The following ZZZ3 variants were observed in gnomAD, a reference collection of about 807,000 sequenced individuals.
ZZZ3 encodes ZZ-type zinc finger-containing protein 3.
In ZZZ3, 22 loss-of-function variants were observed where a neutral mutation model predicts 95.2. The ratio of observed to expected loss-of-function variants is 0.23; its 90% CI spans 0.17 to 0.33. ZZZ3 has a LOEUF of 0.33. ZZZ3 is among the 10% of genes least tolerant of loss of function. The pLI is 1.00. For missense variants in ZZZ3, 885 were observed against 1,066.5 expected (o/e 0.83, Z 2.37); for synonymous variants, 335 against 358.9 (o/e 0.93, Z 0.75).
intron 12 of ZZZ3, among the ~76,000 whole-genome samples, chr1:77,568,879 C>T (rs941057787): frequency 6.6e-6 from 1 of 152,170 alleles, no homozygotes; most frequent in Non-Finnish European, 1.5e-5. Context: ...GTAAACATGA[C>T]ACTTTCTTAA....
intron 4 of ZZZ3, among the ~76,000 whole-genome samples, chr1:77,637,507 A>G (rs1385191953): frequency 2.6e-5 from 4 of 152,156 alleles, no homozygotes; most frequent in Non-Finnish European, 5.9e-5. Flanking sequence ...AAATTCAGTT[A>G]ATAAAAAGGG....
chr1:77,587,452 G>A lies in ZZZ3; in HGVS notation c.1506-2797C>T, dbSNP rs192750892. Among the ~76,000 whole-genome samples the A allele has an allele frequency of 2.2e-4, 34 of 152,070 alleles. No homozygotes were observed. The East Asian group carries it at 6.6e-3, about 29-fold the overall frequency. Reference sequence around the variant, plus strand: ...GCTAATTTTTTGTATTTTTAGTAGAGATGGGGTTTCACCATGTTAGCCAGG... The same window carrying A: ...GCTAATTTTTTGTATTTTTAGTAGAAATGGGGTTTCACCATGTTAGCCAGG... On this transcript the variant is annotated intron_variant, in intron 5 of 14. Transcript: ENST00000370801.
At chr1:77,594,291 T>C (rs1309582846) in intron 5 of ZZZ3, among the ~76,000 whole-genome samples, 2 of 152,174 alleles carry the variant, frequency 1.3e-5, no homozygotes, top group Non-Finnish European at 2.9e-5. Context: ...ATATTATGGC[T>C]GGTTTATGAA....
chr1:77,651,293 G>A (rs989385091), intron 1 of ZZZ3, among the ~76,000 whole-genome samples: 2 of 152,144 alleles, frequency 1.3e-5, no homozygotes, highest in African/African-American at 2.4e-5. Flanking sequence ...GCTGAGGTGG[G>A]AGGATCACTT....
At chr1:77,676,211 G>C (rs1260288429) in intron 1 of ZZZ3, among the ~76,000 whole-genome samples, 4 of 152,182 alleles carry the variant, frequency 2.6e-5, no homozygotes, top group African/African-American at 9.7e-5. Flanking sequence ...GTGTCACCCA[G>C]GCTGGAGTGT....
chr1:77,618,086 T>C (rs7513619), intron 5 of ZZZ3, among the ~76,000 whole-genome samples: 118,510 of 152,108 alleles, frequency 0.78, 46,354 homozygotes, highest in Admixed American at 0.81. Context: ...TTCCATATCT[T>C]ATTTTATAAA....
chr1:77,638,658 T>A (rs1668504243), intron 4 of ZZZ3, among the ~76,000 whole-genome samples: 1 of 152,216 alleles, frequency 6.6e-6, no homozygotes, highest in African/African-American at 2.4e-5. Flanking sequence ...TTTATTATCA[T>A]AATATTTAGT....
Position 77,564,431 on chromosome 1 carries a change from C to T in ZZZ3, c.*1209G>A, listed in dbSNP as rs1031619005. On this transcript the variant is annotated 3_prime_UTR_variant, in exon 15 of 15. Coordinates refer to ENST00000370801, the MANE Select transcript of ZZZ3 (RefSeq NM_015534.6). ...TGAAGCAAACCATTTTAAAAAATAC[C>T]AATTTCTGGTTTTAACACTGGTAAA... is the stretch of plus-strand genomic sequence containing the variant. The T allele has an allele frequency of 6.6e-6, 1 of 152,056 alleles. No individual in the cohort carries two copies. The highest frequency in any genetic ancestry group is 1.5e-5 in the Non-Finnish European group (1 of 67,924). 9.4% of individuals were successfully genotyped at this position (152,056 alleles called of 1,614,324 possible). A position where few individuals can be genotyped will look rare whatever the true frequency, so the allele number is the denominator to read the frequency against.
chr1:77,665,063 C>T (rs1211684520), intron 1 of ZZZ3, among the ~76,000 whole-genome samples: 1 of 152,110 alleles, frequency 6.6e-6, no homozygotes, highest in African/African-American at 2.4e-5. Flanking sequence ...TGCTATCAGC[C>T]AGACAGAAAA....
Position 77,565,695 on chromosome 1 carries a change from G to A in ZZZ3, c.2657C>T (p.Ser886Phe), listed in dbSNP as rs1660753959. The change falls in exon 15 of 15, where the codon TCT (serine) becomes TTT (phenylalanine). Residue 886 changes from serine (S) to phenylalanine (F), a missense_variant. Physicochemically the swap from Ser to Phe is radical, Grantham distance 155. Coordinates refer to ENST00000370801, the MANE Select transcript of ZZZ3 (RefSeq NM_015534.6). ...ETFLDRDYCVSQGTSYNYLDP... is the reference protein window; with the variant it reads ...ETFLDRDYCVFQGTSYNYLDP... ...AAGGTAATTGTAACTGGTGCCCTGA[G>A]ACACACAGTAGTCTCTGTCTAAGAA... 6.2e-7 allele frequency: 1 copy of A among 1,613,950 alleles called. No homozygotes were observed.
upstream of ZZZ3, among the ~76,000 whole-genome samples, chr1:77,682,940 G>C (rs538825951): frequency 1.3e-5 from 2 of 152,146 alleles, no homozygotes; most frequent in Non-Finnish European, 2.9e-5. Flanking sequence ...GCCCCAGGCA[G>C]CCTCCCTGTC....
intron 5 of ZZZ3, among the ~76,000 whole-genome samples, chr1:77,614,560 TATTAC>T (rs1333764877): frequency 6.6e-6 from 1 of 152,184 alleles, no homozygotes; most frequent in Non-Finnish European, 1.5e-5. Flanking sequence ...TTTCTAATTA[TATTAC>T]AAGACAAACT....
intron 5 of ZZZ3, among the ~76,000 whole-genome samples, chr1:77,604,700 G>GGAA (rs976532426): frequency 4.9e-4 from 75 of 152,228 alleles, no homozygotes; most frequent in African/African-American, 1.8e-3. Context: ...ATTTCAATAA[G>GGAA]CATTTGATAG....
intron 1 of ZZZ3, among the ~76,000 whole-genome samples, chr1:77,644,333 G>C (rs1444147336): frequency 6.6e-6 from 1 of 152,140 alleles, no homozygotes; most frequent in Non-Finnish European, 1.5e-5. Flanking sequence ...CCAAAGTGCT[G>C]GGATTACAGG....
chr1:77,664,312 C>T (rs1341639063), intron 1 of ZZZ3, among the ~76,000 whole-genome samples: 1 of 152,062 alleles, frequency 6.6e-6, no homozygotes, highest in Non-Finnish European at 1.5e-5. Context: ...TGACTTTCTC[C>T]CCTCTTCAAT....
At chr1:77,674,860 G>C (rs568544746) in intron 1 of ZZZ3, among the ~76,000 whole-genome samples, 1 of 151,022 alleles carries the variant, frequency 6.6e-6, no homozygotes, top group South Asian at 2.1e-4. Context: ...GCTAAGTCAG[G>C]AGAATTGCTT....
intron 5 of ZZZ3, among the ~76,000 whole-genome samples, chr1:77,611,272 C>G (rs1179288336): frequency 1.1e-5 from 1 of 88,290 alleles, no homozygotes; most frequent in African/African-American, 3.7e-5. Flanking sequence ...CAAAAAAACA[C>G]AAAAACTCTT....
At chr1:77,594,607 A>G (rs1557708797) in intron 5 of ZZZ3, among the ~76,000 whole-genome samples, 1 of 152,078 alleles carries the variant, frequency 6.6e-6, no homozygotes, top group Non-Finnish European at 1.5e-5. Flanking sequence ...TATTTAGAGC[A>G]CTGTTTTAAT....
intron 5 of ZZZ3, among the ~76,000 whole-genome samples, chr1:77,631,350 CAA>C (rs1002367714): frequency 1.6e-4 from 24 of 152,114 alleles, no homozygotes; most frequent in African/African-American, 5.5e-4. Context: ...TTCTCTAAGT[CAA>C]AGTCAAAGAT....
Sources: gnomAD v4.1 joint callset for allele counts (sites outside exome capture counted in the v4.1 genomes callset) on GRCh38, gnomAD v4.1.1 for gene constraint, MANE v1.5 for transcripts, NCBI Gene and HGNC (gene_info 2026-07-23, HGNC 2026-07-21) for gene names.